CPQ: variants seen among roughly 807,000 people sequenced by gnomAD.
The protein encoded by CPQ is Ser-Met dipeptidase.
A neutral mutation model predicts 45.7 loss-of-function variants in CPQ; 37 were observed. That is an observed-to-expected ratio of 0.81 (90% CI 0.62 to 1.07). CPQ has a LOEUF of 1.07. CPQ is among the 50% of genes least tolerant of loss of function. The probability of loss-of-function intolerance (pLI) is 0.00; values close to 1 mark genes in which losing one functional copy is unlikely to be tolerated. For missense variants in CPQ, 537 were observed against 572.9 expected, an observed-to-expected ratio of 0.94 and a Z score of 0.64; for synonymous variants, 186 against 205.8, an observed-to-expected ratio of 0.90 and a Z score of 0.82.
intron 1 of CPQ, among the ~76,000 whole-genome samples, chr8:96,654,871 A>G (rs545344204): frequency 2.0e-5 from 3 of 151,766 alleles, no homozygotes; most frequent in East Asian, 1.9e-4. Context: ...TAGTTAGCCT[A>G]TGCCTTCCTA....
At chr8:96,735,915 C>T (rs558206453) in intron 1 of CPQ, among the ~76,000 whole-genome samples, 7 of 152,238 alleles carry the variant, frequency 4.6e-5, no homozygotes, top group Non-Finnish European at 7.4e-5. Context: ...TTCCCCTCTT[C>T]GCTGTCTTTC....
chr8:96,740,030 T>G (rs960751857), intron 1 of CPQ, among the ~76,000 whole-genome samples: 2 of 152,152 alleles, frequency 1.3e-5, no homozygotes, highest in African/African-American at 4.8e-5. Context: ...GGGATGGCAT[T>G]GAATCTATAA....
At chr8:96,820,354 A>T (rs778954018) in intron 2 of CPQ, among the ~76,000 whole-genome samples, 3 of 152,086 alleles carry the variant, frequency 2.0e-5, no homozygotes, top group Non-Finnish European at 4.4e-5. Flanking sequence ...TTTTCAAAAA[A>T]ATATTTTTTA....
At chr8:96,878,861 A>G (rs2130880151) in intron 3 of CPQ, among the ~76,000 whole-genome samples, 1 of 152,384 alleles carries the variant, frequency 6.6e-6, no homozygotes, top group Middle Eastern at 3.4e-3. Flanking sequence ...TCTGATTTTC[A>G]AAAGTGAAGT....
intron 5 of CPQ, among the ~76,000 whole-genome samples, chr8:97,021,531 G>A (rs569362193): frequency 4.5e-4 from 68 of 152,234 alleles, no homozygotes; most frequent in African/African-American, 1.5e-3. Context: ...CAAAATTAAC[G>A]TACAGAAATC....
chr8:96,964,671 A>G (rs1234496523), intron 4 of CPQ, among the ~76,000 whole-genome samples: 1 of 152,118 alleles, frequency 6.6e-6, no homozygotes, highest in Non-Finnish European at 1.5e-5. Flanking sequence ...AAAATTGTTA[A>G]CCAATGTGTG....
intron 3 of CPQ, among the ~76,000 whole-genome samples, chr8:96,864,101 A>T (rs1283177883): frequency 6.6e-6 from 1 of 152,042 alleles, no homozygotes; most frequent in Non-Finnish European, 1.5e-5. Context: ...AAGAAGAATG[A>T]TATTGAGAAT....
At chr8:97,045,298 G>A (rs964196483) in intron 6 of CPQ, among the ~76,000 whole-genome samples, 4 of 152,222 alleles carry the variant, frequency 2.6e-5, no homozygotes, top group Non-Finnish European at 4.4e-5. Context: ...AGCCATGTGC[G>A]GGATATAATC....
intron 5 of CPQ, among the ~76,000 whole-genome samples, chr8:97,026,485 C>A (rs1282550598): frequency 1.3e-5 from 2 of 152,156 alleles, no homozygotes; most frequent in Non-Finnish European, 2.9e-5. Context: ...CCTGAACTCC[C>A]CACTAGGTTT....
intron 1 of CPQ, among the ~76,000 whole-genome samples, chr8:96,680,942 T>C (rs1201100449): frequency 6.6e-6 from 1 of 152,066 alleles, no homozygotes; most frequent in Non-Finnish European, 1.5e-5. Flanking sequence ...GAGAGATCTG[T>C]GGAACTTTGA....
chr8:96,698,378 C>G (rs1299663863), intron 1 of CPQ, among the ~76,000 whole-genome samples: 2 of 151,962 alleles, frequency 1.3e-5, no homozygotes, highest in African/African-American at 4.8e-5. Flanking sequence ...AATCTAAGAC[C>G]TAAAACCATG....
intron 7 of CPQ, among the ~76,000 whole-genome samples, chr8:97,107,988 G>A (rs1811431043): frequency 6.6e-6 from 1 of 152,190 alleles, no homozygotes. Flanking sequence ...GGCAGAGCAT[G>A]TGGATGCTGA....
At chr8:96,899,573 A>C (rs1470595902) in intron 4 of CPQ, among the ~76,000 whole-genome samples, 1 of 152,126 alleles carries the variant, frequency 6.6e-6, no homozygotes, top group Non-Finnish European at 1.5e-5. Context: ...AGAAGCAGGC[A>C]ACTCACGTGG....
intron 6 of CPQ, among the ~76,000 whole-genome samples, chr8:97,064,610 C>T (rs140314276): frequency 6.6e-6 from 1 of 152,284 alleles, no homozygotes; most frequent in East Asian, 1.9e-4. Flanking sequence ...ATATTGGTGT[C>T]CCAGGGCCCT....
intron 1 of CPQ, among the ~76,000 whole-genome samples, chr8:96,724,553 G>T (rs964148807): frequency 1.8e-4 from 28 of 151,592 alleles, no homozygotes; most frequent in African/African-American, 6.8e-4. Context: ...AACAAAGGAG[G>T]TGAAAGATCT....
intron 2 of CPQ, among the ~76,000 whole-genome samples, chr8:96,828,942 T>C (rs1237202132): frequency 6.6e-6 from 1 of 152,144 alleles, no homozygotes; most frequent in African/African-American, 2.4e-5. Flanking sequence ...ATCCAATTTC[T>C]AAGGACCAGA....
In CPQ at chr8:96,778,345, A is replaced by G. The variant is rs116190584; in HGVS notation, c.-34-6519A>G. 3.7e-3 allele frequency among the ~76,000 whole-genome samples: 565 copies of G among 152,268 alleles called. 8 individuals carry two copies. Among genetic ancestry groups the G allele is most frequent in the Admixed American group, 0.011 (172 of 15,282 alleles). ...AATGTAACTATCTAAAAACAATAAT[A>G]ATAAAATTCTGTAGTGCTGTTAGAG... On this transcript the variant is annotated intron_variant, in intron 1 of 7. Coordinates refer to ENST00000220763, the MANE Select transcript of CPQ (RefSeq NM_016134.4).
chr8:96,710,815 A>T (rs1809597897), intron 1 of CPQ, among the ~76,000 whole-genome samples: 1 of 152,198 alleles, frequency 6.6e-6, no homozygotes, highest in South Asian at 2.1e-4. Context: ...AAGAATGTAT[A>T]TTCTGCAATT....
intron 1 of CPQ, among the ~76,000 whole-genome samples, chr8:96,729,381 A>G (rs1219899596): frequency 1.3e-5 from 2 of 152,156 alleles, no homozygotes; most frequent in Admixed American, 6.5e-5. Flanking sequence ...TTCACTCTGT[A>G]TATTTGCACA....
Sources: gnomAD v4.1 joint callset for allele counts (sites outside exome capture counted in the v4.1 genomes callset) on GRCh38, gnomAD v4.1.1 for gene constraint, MANE v1.5 for transcripts, NCBI Gene and HGNC (gene_info 2026-07-23, HGNC 2026-07-21) for gene names.